P2RX5: variants seen among roughly 807,000 people sequenced by gnomAD.
P2RX5 encodes P2X purinoceptor 5.
In P2RX5, 46 loss-of-function variants were observed where a neutral mutation model predicts 54.1. The observed-to-expected ratio is 0.85, with a 90% CI of 0.67 to 1.09. P2RX5 has a LOEUF of 1.09. P2RX5 is among the 50% of genes least tolerant of loss of function. P2RX5 has a pLI of 0.00. For synonymous variants in P2RX5, 226 were observed against 226.4 expected (o/e 1.00, Z 0.02); for missense variants, 566 against 549.8 (o/e 1.03, Z -0.29).
intron 11 of P2RX5, chr17:3,677,620 G>A: frequency 1.0e-6 from 1 of 985,410 alleles, no homozygotes; most frequent in Non-Finnish European, 1.2e-6. Flanking sequence ...CAGCTGGAGT[G>A]GCTGGGCCTG....
intron 1 of P2RX5, among the ~76,000 whole-genome samples, chr17:3,695,288 G>A (rs560120292): frequency 6.6e-6 from 1 of 152,320 alleles, no homozygotes; most frequent in South Asian, 2.1e-4. Context: ...GGAAGGGGAT[G>A]GCCGAGCTGG....
intron 11 of P2RX5, chr17:3,678,175 A>G (rs1222935245): frequency 1.1e-6 from 1 of 914,694 alleles, no homozygotes; most frequent in Non-Finnish European, 1.3e-6. Flanking sequence ...GGCAGAGAGG[A>G]CTGTCGGGAG....
intron 11 of P2RX5, chr17:3,676,749 T>A: frequency 4.4e-6 from 1 of 227,026 alleles, no homozygotes; most frequent in Non-Finnish European, 7.4e-6. Context: ...CAGGCTCCGG[T>A]CCCTGGACCC....
the P2RX5 span, chr17:3,723,261 A>C: frequency 4.0e-5 from 59 of 1,465,282 alleles, no homozygotes; most frequent in Admixed American, 4.8e-4. Flanking sequence ...TGGATAATCA[A>C]ATCTGGAGCA....
At chr17:3,699,511 T>C (rs1322134870), upstream of P2RX5, among the ~76,000 whole-genome samples, 1 of 151,128 alleles carries the variant, frequency 6.6e-6, no homozygotes, top group Non-Finnish European at 1.5e-5. Context: ...TTATCGCAAA[T>C]AAATAGAAAA....
At chr17:3,689,780 A>G (rs220486) in intron 6 of P2RX5, 150 bp from the exon 7 acceptor site, 968,488 of 1,006,980 alleles carry the variant, frequency 0.96, 474,207 homozygotes, top group East Asian at 1. Context: ...GCGCCCCAGC[A>G]CCACCCACCG....
chr17:3,695,923 T>C lies in P2RX5; in HGVS notation c.83A>G (p.Lys28Arg). 1.2e-6 allele frequency: 2 copies of C among 1,613,540 alleles called. No individual in the cohort carries two copies. Among genetic ancestry groups the C allele is most frequent in the Non-Finnish European group, 1.7e-6 (2 of 1,179,624 alleles). The change falls in exon 1 of 12, where the codon AAG (lysine) becomes AGG (arginine). Residue 28 changes from lysine to arginine, a missense_variant. Physicochemically the swap from Lys to Arg is conservative, Grantham distance 26. Transcript: ENST00000225328. ...TEKYVIAKNK[K>R]VGLLYRLLQA... Reference sequence around the variant, plus strand: ...CAGCAGCCGGTACAGCAGGCCCACCTTCTTGTTCTTGGCGATGACATACTT... The same window carrying C: ...CAGCAGCCGGTACAGCAGGCCCACCCTCTTGTTCTTGGCGATGACATACTT...
At chr17:3,720,319 G>A in the P2RX5 span, 2 of 1,557,242 alleles carry the variant, frequency 1.3e-6, no homozygotes, top group Non-Finnish European at 8.9e-7. Flanking sequence ...TAGTTCTGTG[G>A]TTCTCTGCAT....
At chr17:3,723,155 G>A in the P2RX5 span, 2 of 658,590 alleles carry the variant, frequency 3.0e-6, no homozygotes, top group East Asian at 2.8e-5. Flanking sequence ...GGTTGGGACA[G>A]AGGGTTGGTT....
upstream of P2RX5, among the ~76,000 whole-genome samples, chr17:3,699,718 T>G (rs538795071): frequency 2.0e-5 from 3 of 149,298 alleles, no homozygotes; most frequent in East Asian, 4.0e-4. Flanking sequence ...GACAGGAGAA[T>G]CGCTTGAACC....
At chr17:3,692,861 A>T (rs2050656113) in intron 1 of P2RX5, among the ~76,000 whole-genome samples, 9 of 152,116 alleles carry the variant, frequency 5.9e-5, no homozygotes, top group Admixed American at 5.9e-4. Context: ...ATAAGAGTAC[A>T]AATCCCATAC....
At chr17:3,697,016 C>T (rs115902344), upstream of P2RX5, among the ~76,000 whole-genome samples, 1 of 152,176 alleles carries the variant, frequency 6.6e-6, no homozygotes, top group African/African-American at 2.4e-5. Flanking sequence ...GCGACTAATG[C>T]GCGTTTCTAC....
the P2RX5 span, among the ~76,000 whole-genome samples, chr17:3,714,290 C>T: frequency 4.2e-5 from 6 of 143,256 alleles, no homozygotes; most frequent in East Asian, 2.2e-4. Context: ...TGCAGTGGCA[C>T]GATCTCGGCT....
intron 11 of P2RX5, chr17:3,677,296 A>G (rs1045385196): frequency 4.1e-6 from 4 of 985,350 alleles, no homozygotes; most frequent in Non-Finnish European, 4.8e-6. Flanking sequence ...CGGCAGGGTC[A>G]AGGCGACTGT....
chr17:3,697,155 A>G (rs1363862661), upstream of P2RX5, among the ~76,000 whole-genome samples: 1 of 91,010 alleles, frequency 1.1e-5, no homozygotes, highest in Non-Finnish European at 2.3e-5. Context: ...TGGGGGGCAG[A>G]CGGGGTGGGG....
the P2RX5 span, among the ~76,000 whole-genome samples, chr17:3,715,942 G>A: frequency 6.6e-6 from 1 of 151,920 alleles, no homozygotes; most frequent in Non-Finnish European, 1.5e-5. Context: ...GGATCACAAG[G>A]TCAGGAGTTT....
upstream of P2RX5, among the ~76,000 whole-genome samples, chr17:3,700,236 T>C (rs1312597718): frequency 6.6e-6 from 1 of 152,156 alleles, no homozygotes; most frequent in Non-Finnish European, 1.5e-5. Flanking sequence ...ACCTGCCTTA[T>C]TAAAAGTCCA....
intron 10 of P2RX5, 56 bp from the exon 11 acceptor site, chr17:3,679,840 T>G: frequency 2.7e-6 from 4 of 1,489,756 alleles, no homozygotes; most frequent in Non-Finnish European, 3.7e-6. Context: ...CCTCCCCTCC[T>G]AGACGGGCGG....
At chr17:3,676,642 T>C in intron 11 of P2RX5, 1 of 980,712 alleles carries the variant, frequency 1.0e-6, no homozygotes, top group South Asian at 4.7e-5. Flanking sequence ...CCAGGGCTTC[T>C]TAAATGTCAC....
Sources: allele counts gnomAD v4.1 joint callset (sites outside exome capture counted in the v4.1 genomes callset), GRCh38; gene constraint gnomAD v4.1.1; transcripts MANE v1.5; gene names NCBI Gene and HGNC (gene_info 2026-07-23, HGNC 2026-07-21).